The following PLCB1 variants were observed in gnomAD, a reference collection of about 807,000 sequenced individuals.
PLCB1 encodes 1-phosphatidylinositol 4,5-bisphosphate phosphodiesterase beta-1.
In PLCB1, 46 loss-of-function variants were observed where a neutral mutation model predicts 161.8. The ratio of observed to expected loss-of-function variants is 0.28; its 90% CI spans 0.22 to 0.36. PLCB1 has a LOEUF of 0.36. Ranked by LOEUF, PLCB1 falls within the 10% of genes least tolerant of loss-of-function variation. The pLI is 1.00. For missense variants in PLCB1, 1,016 were observed against 1,472.5 expected (o/e 0.69, Z 5.07); for synonymous variants, 517 against 503.7 (o/e 1.03, Z -0.35).
intron 2 of PLCB1, among the ~76,000 whole-genome samples, chr20:8,260,194 C>A (rs1049738848): frequency 6.6e-6 from 1 of 151,074 alleles, no homozygotes; most frequent in Admixed American, 6.6e-5. Flanking sequence ...AATCTTATAG[C>A]CTCAGCCTCC....
intron 2 of PLCB1, among the ~76,000 whole-genome samples, chr20:8,251,289 A>G (rs1229986241): frequency 6.6e-6 from 1 of 151,948 alleles, no homozygotes; most frequent in African/African-American, 2.4e-5. Context: ...TTTGGGGGGA[A>G]CACAAACATT....
chr20:8,669,389 C>A (rs1989891265), intron 9 of PLCB1, among the ~76,000 whole-genome samples: 1 of 152,162 alleles, frequency 6.6e-6, no homozygotes, highest in Non-Finnish European at 1.5e-5. Flanking sequence ...TTATTATTCC[C>A]ATTTTACAAT....
intron 26 of PLCB1, among the ~76,000 whole-genome samples, chr20:8,772,535 G>A (rs1000316083): frequency 7.2e-5 from 11 of 151,968 alleles, no homozygotes; most frequent in Non-Finnish European, 4.4e-5. Context: ...GAGTGTGCCC[G>A]GCATATGGGG....
rs568027756 is a variant in PLCB1 at position 8,572,266 on chromosome 20, A to G, written c.247-56028A>G. 5.5e-4 allele frequency among the ~76,000 whole-genome samples: 83 copies of G among 152,288 alleles called. 2 individuals are homozygous for G. The highest frequency in any genetic ancestry group is 1.9e-3 in the African/African-American group (78 of 41,560). ...TTATTTTACTTCTTGATACATGAAC[A>G]CCCTACCAGCCTTCTGTACCTTCAG... On this transcript the variant is annotated intron_variant, in intron 3 of 31. Coordinates refer to ENST00000338037, the MANE Select transcript of PLCB1 (RefSeq NM_015192.4).
chr20:8,216,553 G>A (rs1979139503), intron 2 of PLCB1, among the ~76,000 whole-genome samples: 1 of 152,084 alleles, frequency 6.6e-6, no homozygotes, highest in Admixed American at 6.6e-5. Flanking sequence ...ACGATTCTAA[G>A]TAAAGATAGA....
At chr20:8,823,559 T>C (rs1309717919) in intron 31 of PLCB1, among the ~76,000 whole-genome samples, 3 of 152,218 alleles carry the variant, frequency 2.0e-5, no homozygotes, top group Non-Finnish European at 2.9e-5. Flanking sequence ...TGCTAATCAA[T>C]TCGTGTACAC....
At chr20:8,525,005 GT>G (rs1984526442) in intron 3 of PLCB1, among the ~76,000 whole-genome samples, 1 of 152,106 alleles carries the variant, frequency 6.6e-6, no homozygotes, top group South Asian at 2.1e-4. Flanking sequence ...GAGGTTAATT[GT>G]TCAACCACCT....
chr20:8,617,693 G>A (rs933658509), intron 3 of PLCB1, among the ~76,000 whole-genome samples: 2 of 152,008 alleles, frequency 1.3e-5, no homozygotes, highest in Non-Finnish European at 2.9e-5. Context: ...CTGTCTTTTT[G>A]TACTTCATTG....
rs73895536 is a variant in PLCB1 at position 8,164,241 on chromosome 20, C to T, written c.177+13870C>T. ...ATCTAGGGAAAATAAGAATGGTGGA[C>T]TCCAGGACACCAGGCAGAATGACTT... On this transcript the variant is annotated intron_variant, in intron 2 of 31. Transcript: ENST00000338037. 9.1e-3 allele frequency among the ~76,000 whole-genome samples: 1,385 copies of T among 152,172 alleles called. 25 individuals are homozygous for T. Among genetic ancestry groups the T allele is most frequent in the African/African-American group, 0.031 (1,272 of 41,498 alleles).
intron 13 of PLCB1, among the ~76,000 whole-genome samples, chr20:8,717,154 C>T (rs942485564): frequency 6.6e-6 from 1 of 152,316 alleles, no homozygotes; most frequent in East Asian, 1.9e-4. Flanking sequence ...GAAGCCACCT[C>T]ATCCACTTCT....
chr20:8,276,926 TTTCTTC>T (rs752434070), intron 2 of PLCB1, among the ~76,000 whole-genome samples: 7,647 of 104,456 alleles, frequency 0.073, 376 homozygotes, highest in Non-Finnish European at 0.089. Context: ...GTCTTCTTCT[TTTCTTC>T]TTCTTCTTCT....
chr20:8,736,967 AT>A, intron 19 of PLCB1, 60 bp from the exon 20 acceptor site: 1 of 1,292,736 alleles, frequency 7.7e-7, no homozygotes, highest in Non-Finnish European at 1.1e-6. Context: ...GTATTCTCTT[AT>A]GTCTTTGTTA....
Position 8,259,042 on chromosome 20 carries a change from T to A in PLCB1, c.177+108671T>A, listed in dbSNP as rs1981565842. ...TGGAATCATACAATATGTAGCCTTT[T>A]GAGTCTGGCTCTTTTCATGTAGCAT... On this transcript the variant is annotated intron_variant, in intron 2 of 31. Coordinates refer to ENST00000338037, the MANE Select transcript of PLCB1 (RefSeq NM_015192.4). 2.0e-5 allele frequency among the ~76,000 whole-genome samples: 3 copies of A among 152,208 alleles called. No individual in the cohort carries two copies. In the South Asian group the frequency reaches 6.2e-4, roughly 32 times the overall value.
intron 2 of PLCB1, among the ~76,000 whole-genome samples, chr20:8,247,970 C>T (rs1312745387): frequency 6.6e-6 from 1 of 151,916 alleles, no homozygotes; most frequent in African/African-American, 2.4e-5. Context: ...TCTTTCACTT[C>T]CTCTCTTTCT....
At chr20:8,531,305 A>C (rs1341268328) in intron 3 of PLCB1, among the ~76,000 whole-genome samples, 1 of 152,126 alleles carries the variant, frequency 6.6e-6, no homozygotes, top group African/African-American at 2.4e-5. Context: ...CAGGACTTAC[A>C]CAGGTCTCTA....
intron 31 of PLCB1, among the ~76,000 whole-genome samples, chr20:8,824,813 A>G (rs958921212): frequency 6.6e-6 from 1 of 152,202 alleles, no homozygotes; most frequent in Non-Finnish European, 1.5e-5. Flanking sequence ...GGAATATGAG[A>G]TAAGGGGAAA....
chr20:8,457,276 C>T lies in PLCB1; in HGVS notation c.246+85826C>T, dbSNP rs146225789. ...AGCTTTGCAGGGGTCATCTTGGCCT[C>T]CTGTCCCACCTCCACCACTTACCAG... On this transcript the variant is annotated intron_variant, in intron 3 of 31. Transcript: ENST00000338037. Among the ~76,000 whole-genome samples the T allele has an allele frequency of 7.9e-4, 121 of 152,238 alleles. 1 individual carries two copies. The highest frequency in any genetic ancestry group is 2.6e-3 in the African/African-American group (108 of 41,544).
chr20:8,276,986 C>CTTA (rs59903648), intron 2 of PLCB1, among the ~76,000 whole-genome samples: 1,363 of 93,246 alleles, frequency 0.015, 24 homozygotes, highest in African/African-American at 0.021. Flanking sequence ...TCTTCTTCTT[C>CTTA]TTATTATTAT....
rs1337788981 is a variant in PLCB1, at chr20:8,845,505, G to A, written c.3424-36117G>A. Among the ~76,000 whole-genome samples, 4 of 152,266 alleles carry A rather than the reference G, an allele frequency of 2.6e-5. No homozygotes were observed. The East Asian group carries it at 7.7e-4, about 29-fold the overall frequency. ...AATATAAAAATTCAGCCCCGCCTTT[G>A]TGCTAGTCACATTTCAGATGCTCAA... On this transcript the variant is annotated intron_variant, in intron 31 of 31. Transcript: ENST00000338037.
Sources: allele counts gnomAD v4.1 joint callset (sites outside exome capture counted in the v4.1 genomes callset), GRCh38; gene constraint gnomAD v4.1.1; transcripts MANE v1.5; gene names NCBI Gene and HGNC (gene_info 2026-07-23, HGNC 2026-07-21).